Variants in DLG1 observed in about 807,000 individuals in gnomAD.
DLG1 encodes the protein discs large MAGUK scaffold protein 1, also known as disks large homolog 1.
Under a neutral mutation model 123.4 loss-of-function variants are expected in DLG1, and 42 were observed. The observed-to-expected ratio is 0.34, with a 90% confidence interval of 0.27 to 0.44. The LOEUF (loss-of-function observed/expected upper bound fraction) is 0.44. Ranked by LOEUF, DLG1 falls within the 20% of genes least tolerant of loss-of-function variation. DLG1 has a pLI of 1.00. For missense variants in DLG1, 942 were observed against 1,082.6 expected, an observed-to-expected ratio of 0.87 and a Z score of 1.82; for synonymous variants, 317 against 356.2, an observed-to-expected ratio of 0.89 and a Z score of 1.24.
intron 4 of DLG1, among the ~76,000 whole-genome samples, chr3:197,224,277 C>G (rs533848942): frequency 6.6e-6 from 1 of 152,206 alleles, no homozygotes; most frequent in Admixed American, 6.5e-5. Context: ...CCAAGACTAT[C>G]AGACTAGTCA....
At chr3:197,254,532 T>C (rs1426174836) in intron 4 of DLG1, among the ~76,000 whole-genome samples, 2 of 152,022 alleles carry the variant, frequency 1.3e-5, no homozygotes, top group African/African-American at 4.8e-5. Flanking sequence ...TGTAAAGAAG[T>C]AGGATAACAT....
chr3:197,064,321 G>A (rs1055322794), intron 22 of DLG1, among the ~76,000 whole-genome samples: 5 of 151,664 alleles, frequency 3.3e-5, no homozygotes, highest in African/African-American at 1.2e-4. Context: ...AGCCTCCTGA[G>A]AAGCTGGGAT....
At chr3:197,267,665 C>G (rs1362335084) in intron 4 of DLG1, among the ~76,000 whole-genome samples, 1 of 151,950 alleles carries the variant, frequency 6.6e-6, no homozygotes, top group Non-Finnish European at 1.5e-5. Flanking sequence ...AAAAAATTAT[C>G]TAACTACACA....
At chr3:197,249,626 GC>G (rs1753407762) in intron 4 of DLG1, among the ~76,000 whole-genome samples, 1 of 151,960 alleles carries the variant, frequency 6.6e-6, no homozygotes, top group Non-Finnish European at 1.5e-5. Context: ...AAAACTACAG[GC>G]CAATACCACT....
chr3:197,115,892 A>G, intron 13 of DLG1, 35 bp downstream of exon 13: 1 of 1,599,428 alleles, frequency 6.3e-7, no homozygotes, highest in African/African-American at 1.4e-5. Context: ...TCCAGTGAAA[A>G]TAACAAAAAC....
intron 13 of DLG1, among the ~76,000 whole-genome samples, chr3:197,113,623 A>G (rs993211003): frequency 6.6e-6 from 1 of 152,090 alleles, no homozygotes; most frequent in Non-Finnish European, 1.5e-5. Context: ...CAACCCATGA[A>G]CCTTTATATT....
In DLG1 at chr3:197,184,684, T is replaced by G. The variant is rs1344264677; in HGVS notation, c.483+9741A>C. On this transcript the variant is annotated intron_variant, in intron 5 of 24. Transcript: ENST00000667157. ...GAAATTATCAGCATCATCTCTCTAGTATTTTATAAACATTCATATTACAAG... is the reference window on the plus strand; with the variant it reads ...GAAATTATCAGCATCATCTCTCTAGGATTTTATAAACATTCATATTACAAG... 2.0e-5 allele frequency among the ~76,000 whole-genome samples: 3 copies of G among 152,230 alleles called. No homozygotes were observed. In the East Asian group the frequency reaches 5.8e-4, roughly 29 times the overall value.
intron 10 of DLG1, among the ~76,000 whole-genome samples, chr3:197,131,618 G>C (rs1579958787): frequency 1.7e-5 from 2 of 115,244 alleles, no homozygotes; most frequent in Admixed American, 1.1e-4. Flanking sequence ...TTTTGAGACG[G>C]AGTCTCGCTC....
intron 4 of DLG1, among the ~76,000 whole-genome samples, chr3:197,245,603 G>C (rs1751234752): frequency 6.6e-6 from 1 of 152,154 alleles, no homozygotes; most frequent in African/African-American, 2.4e-5. Context: ...TGGGTTTCTT[G>C]ATGTAGCTGA....
intron 5 of DLG1, among the ~76,000 whole-genome samples, chr3:197,165,347 A>G (rs1034389097): frequency 6.6e-6 from 1 of 152,204 alleles, no homozygotes; most frequent in African/African-American, 2.4e-5. Flanking sequence ...TTCCTGTAGA[A>G]AGAGATTTTT....
At chr3:197,252,289 G>A (rs1368881473) in intron 4 of DLG1, among the ~76,000 whole-genome samples, 1 of 152,046 alleles carries the variant, frequency 6.6e-6, no homozygotes, top group Non-Finnish European at 1.5e-5. Context: ...AGATTATACT[G>A]TTTTCATAGC....
In DLG1 at chr3:197,138,208, G is replaced by T; in HGVS notation, c.883+14C>A. ...ATTTCTTAAAGATTTATCTTAGTTT[G>T]ACTTACCACATACCTTTAGGACCTT... is the stretch of plus-strand genomic sequence containing the variant. On this transcript the variant is annotated intron_variant, in intron 9 of 24. Transcript: ENST00000667157. 2 of 1,472,134 alleles carry T rather than the reference G, an allele frequency of 1.4e-6. No individual in the cohort carries two copies. Among genetic ancestry groups the T allele is most frequent in the Non-Finnish European group, 9.1e-7 (1 of 1,094,750 alleles). The allele number at this position is 1,472,134 out of a possible 1,614,324, so 91.2% of individuals were successfully genotyped here.
At chr3:197,183,104 T>G (rs1361968806) in intron 5 of DLG1, among the ~76,000 whole-genome samples, 1 of 152,170 alleles carries the variant, frequency 6.6e-6, no homozygotes, top group Non-Finnish European at 1.5e-5. Flanking sequence ...TACTAGCCAA[T>G]TATATTAAAT....
At chr3:197,170,204 T>G (rs1803457414) in intron 5 of DLG1, among the ~76,000 whole-genome samples, 1 of 152,220 alleles carries the variant, frequency 6.6e-6, no homozygotes, top group South Asian at 2.1e-4. Flanking sequence ...CTACTGTGAA[T>G]AGTGCTGCAA....
intron 4 of DLG1, among the ~76,000 whole-genome samples, chr3:197,235,399 A>G (rs1043577176): frequency 6.6e-6 from 1 of 152,190 alleles, no homozygotes; most frequent in African/African-American, 2.4e-5. Context: ...AACAGCATAA[A>G]ATTCAACAAG....
At position 197,116,127 on chromosome 3, in the gene DLG1, A is replaced by G. The variant is rs776396186; in HGVS notation, c.1287-44T>C. The G allele has an allele frequency of 4.0e-6, 6 of 1,517,558 alleles. No individual in the cohort carries two copies. The African/African-American group carries it at 8.4e-5, about 21-fold the overall frequency. 94.0% of individuals were successfully genotyped at this position (1,517,558 alleles called of 1,614,324 possible). ...TGAGTATCTTGGAAATTTTATATAA[A>G]ACCTGACATTCTATCAGTGAGAACT... On this transcript the variant is annotated intron_variant, in intron 12 of 24. Coordinates refer to ENST00000667157, the MANE Select transcript of DLG1 (RefSeq NM_001366207.1).
At chr3:197,077,414 C>T (rs776291946) in intron 17 of DLG1, among the ~76,000 whole-genome samples, 2 of 151,982 alleles carry the variant, frequency 1.3e-5, no homozygotes, top group Non-Finnish European at 2.9e-5. Context: ...TCCTGACCAA[C>T]GTGAATGCTT....
At chr3:197,214,593 C>T (rs959923293) in intron 4 of DLG1, among the ~76,000 whole-genome samples, 1 of 151,644 alleles carries the variant, frequency 6.6e-6, no homozygotes, top group Non-Finnish European at 1.5e-5. Context: ...AAATGATACT[C>T]GGAAACAAAA....
intron 4 of DLG1, among the ~76,000 whole-genome samples, chr3:197,207,156 T>C (rs1241153205): frequency 6.6e-6 from 1 of 152,212 alleles, no homozygotes; most frequent in Non-Finnish European, 1.5e-5. Context: ...TACGCAAAGT[T>C]TGCTCTTTGC....
Sources: allele counts gnomAD v4.1 joint callset (sites outside exome capture counted in the v4.1 genomes callset), GRCh38; gene constraint gnomAD v4.1.1; transcripts MANE v1.5; gene names NCBI Gene and HGNC (gene_info 2026-07-23, HGNC 2026-07-21).